Variants in ADAM2 observed in about 807,000 individuals in gnomAD.
The protein encoded by ADAM2 is ADAM metallopeptidase domain 2, also known as disintegrin and metalloproteinase domain-containing protein 2.
Under a neutral mutation model 99.3 loss-of-function variants are expected in ADAM2, and 101 were observed. The observed-to-expected ratio is 1.02, with a 90% CI of 0.87 to 1.20. The LOEUF is 1.20. Among genes scored for constraint, ADAM2 ranks in the 50% most tolerant of loss-of-function variants. The probability of loss-of-function intolerance (pLI) is 0.00; values close to 1 mark genes in which losing one functional copy is unlikely to be tolerated. For missense variants in ADAM2, 948 were observed against 878.7 expected (o/e 1.08, Z -1.00); for synonymous variants, 323 against 287.6 (o/e 1.12, Z -1.25).
At chr8:39,762,655 T>G (rs1490321956) in intron 14 of ADAM2, among the ~76,000 whole-genome samples, 1 of 152,214 alleles carries the variant, frequency 6.6e-6, no homozygotes, top group Non-Finnish European at 1.5e-5. Flanking sequence ...CAATTATTAA[T>G]AGTTGAAAGA....
At position 39,838,192 on chromosome 8, in the gene ADAM2, A is replaced by G. The variant is rs1044653963; in HGVS notation, c.-7T>C. 47 of 1,614,010 alleles carry G rather than the reference A, an allele frequency of 2.9e-5. No homozygotes were observed. The highest frequency in any genetic ancestry group is 3.7e-5 in the Non-Finnish European group (44 of 1,180,018). Reference sequence around the variant, plus strand: ...GAAACAAGACGCGCCACATGGCTTGAAGTCCTGGGTCCCAGCCGGAATAAT... The same window carrying G: ...GAAACAAGACGCGCCACATGGCTTGGAGTCCTGGGTCCCAGCCGGAATAAT... On this transcript the variant is annotated 5_prime_UTR_variant, in exon 1 of 21. Transcript: ENST00000265708.
intron 10 of ADAM2, among the ~76,000 whole-genome samples, chr8:39,781,069 C>T (rs538972647): frequency 1.7e-3 from 257 of 150,134 alleles, no homozygotes; most frequent in African/African-American, 5.9e-3. Context: ...AGTGCAGTGG[C>T]GCCATCTTGG....
At position 39,791,931 on chromosome 8, in the gene ADAM2, A is replaced by G. The variant is rs537218727; in HGVS notation, c.571-3191T>C. 4.6e-5 allele frequency among the ~76,000 whole-genome samples: 7 copies of G among 152,184 alleles called. No homozygotes were observed. The East Asian group carries it at 1.3e-3, about 29-fold the overall frequency. ...AAACTGTTAAAGTGTCTGCCACCTA[A>G]AACTAGGATTCCTGTGTTAGGATAA... On this transcript the variant is annotated intron_variant, in intron 7 of 20. Transcript: ENST00000265708.
chr8:39,769,668 A>T, intron 11 of ADAM2, 93 bp from the exon 12 acceptor site: 1 of 765,396 alleles, frequency 1.3e-6, no homozygotes, highest in Middle Eastern at 3.9e-4. Context: ...TCCACAACAG[A>T]CCAAATTCCC....
At chr8:39,820,331 C>T (rs2129588076) in intron 6 of ADAM2, among the ~76,000 whole-genome samples, 1 of 152,204 alleles carries the variant, frequency 6.6e-6, no homozygotes, top group African/African-American at 2.4e-5. Flanking sequence ...TTACTGAAAA[C>T]CAAACCCAGA....
chr8:39,778,682 G>C (rs1440170508), intron 10 of ADAM2, among the ~76,000 whole-genome samples: 1 of 152,008 alleles, frequency 6.6e-6, no homozygotes, highest in African/African-American at 2.4e-5. Context: ...GGAGGACGAG[G>C]AGGAGGAGAA....
At chr8:39,819,452 A>G (rs976231671) in intron 6 of ADAM2, among the ~76,000 whole-genome samples, 1 of 152,144 alleles carries the variant, frequency 6.6e-6, no homozygotes, top group African/African-American at 2.4e-5. Context: ...TGTGATGATT[A>G]ATTTTACCTG....
intron 7 of ADAM2, among the ~76,000 whole-genome samples, chr8:39,802,712 C>G (rs1443392941): frequency 6.6e-6 from 1 of 152,076 alleles, no homozygotes; most frequent in African/African-American, 2.4e-5. Context: ...AGAGAGTTCA[C>G]CAAGGCACCT....
At chr8:39,837,917 C>T (rs962373713) in intron 1 of ADAM2, among the ~76,000 whole-genome samples, 1 of 152,130 alleles carries the variant, frequency 6.6e-6, no homozygotes, top group Non-Finnish European at 1.5e-5. Flanking sequence ...GACCTCCTAT[C>T]TTATCTTTCC....
chr8:39,834,935 T>C (rs1332396220), intron 2 of ADAM2, among the ~76,000 whole-genome samples: 1 of 152,068 alleles, frequency 6.6e-6, no homozygotes, highest in Non-Finnish European at 1.5e-5. Flanking sequence ...TATCCACATG[T>C]GTCTGTGCTC....
At chr8:39,773,013 A>C (rs1368080036) in intron 11 of ADAM2, among the ~76,000 whole-genome samples, 1 of 151,828 alleles carries the variant, frequency 6.6e-6, no homozygotes, top group Non-Finnish European at 1.5e-5. Context: ...ATTTGAAAAA[A>C]TGAAAAACAA....
intron 6 of ADAM2, among the ~76,000 whole-genome samples, chr8:39,811,850 C>T (rs978687346): frequency 1.3e-5 from 2 of 152,134 alleles, no homozygotes; most frequent in African/African-American, 2.4e-5. Flanking sequence ...TGGAAGCATT[C>T]CCTTTGAAAA....
intron 2 of ADAM2, among the ~76,000 whole-genome samples, 180 bp from the exon 3 acceptor site, chr8:39,834,179 T>A (rs958966185): frequency 2.0e-5 from 3 of 152,180 alleles, no homozygotes; most frequent in Non-Finnish European, 2.9e-5. Flanking sequence ...CTAGATTTCA[T>A]AATCAAAATA....
At chr8:39,820,959 C>T (rs369218831) in intron 6 of ADAM2, 43 bp downstream of exon 6, 7 of 1,281,208 alleles carry the variant, frequency 5.5e-6, no homozygotes, top group Non-Finnish European at 7.5e-6. Flanking sequence ...GCTTACATTG[C>T]TGTATAGTAA....
chr8:39,816,545 C>G (rs1308234619), intron 6 of ADAM2, among the ~76,000 whole-genome samples: 3 of 152,056 alleles, frequency 2.0e-5, no homozygotes, highest in African/African-American at 7.2e-5. Flanking sequence ...AAAGTAGAAA[C>G]AACCAATTTG....
At position 39,837,219 on chromosome 8, in the gene ADAM2, A is replaced by G. The variant is rs1479423860; in HGVS notation, c.56-7T>C. On this transcript the variant is annotated splice_polypyrimidine_tract_variant and splice_region_variant and intron_variant, in intron 1 of 20. Coordinates refer to ENST00000265708, the MANE Select transcript of ADAM2 (RefSeq NM_001464.5). ...ACAGGTAAACTATCAAAATCTGCAA[A>G]ATGTGCAAAATGTTTTATTAGAACA... is the stretch of plus-strand genomic sequence containing the variant. 1 of 1,588,510 alleles carries G rather than the reference A, an allele frequency of 6.3e-7. No individual in the cohort carries two copies. The highest frequency in any genetic ancestry group is 8.6e-7 in the Non-Finnish European group (1 of 1,162,156).
At chr8:39,800,148 T>C (rs530909550) in intron 7 of ADAM2, among the ~76,000 whole-genome samples, 1 of 152,364 alleles carries the variant, frequency 6.6e-6, no homozygotes, top group East Asian at 1.9e-4. Context: ...GGTGCGTTTT[T>C]GCAGTGGCTG....
intron 14 of ADAM2, among the ~76,000 whole-genome samples, chr8:39,762,864 C>G (rs1359246653): frequency 6.6e-6 from 1 of 152,102 alleles, no homozygotes; most frequent in Non-Finnish European, 1.5e-5. Context: ...ATCTATATAC[C>G]TATATCTATC....
At position 39,777,774 on chromosome 8, in the gene ADAM2, C is replaced by T. The variant is rs184769315; in HGVS notation, c.892-613G>A. On this transcript the variant is annotated intron_variant, in intron 10 of 20. Coordinates refer to ENST00000265708, the MANE Select transcript of ADAM2 (RefSeq NM_001464.5). Reference sequence around the variant, plus strand: ...AATCATTACACATTGTATGCCTGTACCAAAACATCACATCTCCCCATAAAT... The same window carrying T: ...AATCATTACACATTGTATGCCTGTATCAAAACATCACATCTCCCCATAAAT... Among the ~76,000 whole-genome samples the T allele has an allele frequency of 2.8e-3, 422 of 151,722 alleles. 2 individuals carry two copies. Among genetic ancestry groups the T allele is most frequent in the African/African-American group, 9.8e-3 (407 of 41,432 alleles).
Sources: allele counts gnomAD v4.1 joint callset (sites outside exome capture counted in the v4.1 genomes callset), GRCh38; gene constraint gnomAD v4.1.1; transcripts MANE v1.5; gene names NCBI Gene and HGNC (gene_info 2026-07-23, HGNC 2026-07-21).